APCDD1: variants seen among roughly 807,000 people sequenced by gnomAD.
APCDD1 encodes APC down-regulated 1, also known as protein APCDD1.
In APCDD1, 15 loss-of-function variants were observed where a neutral mutation model predicts 38.1. That is an observed-to-expected ratio of 0.39 (90% CI 0.26 to 0.61). The LOEUF (loss-of-function observed/expected upper bound fraction) is 0.61. Ranked by LOEUF, APCDD1 falls within the 20% of genes least tolerant of loss-of-function variation. The pLI, the probability that APCDD1 is intolerant of heterozygous loss-of-function variation, is 0.49. For missense variants in APCDD1, 647 were observed against 696.2 expected, an observed-to-expected ratio of 0.93 and a Z score of 0.79; for synonymous variants, 261 against 279.7, an observed-to-expected ratio of 0.93 and a Z score of 0.67.
At chr18:10,455,130 G>A in intron 1 of APCDD1, 91 bp downstream of exon 1, 1 of 1,527,006 alleles carries the variant, frequency 6.5e-7, no homozygotes, top group South Asian at 1.2e-5. Context: ...CTGGATCGCG[G>A]CACGGCCTAC....
chr18:10,484,190 C>T (rs750028745), intron 3 of APCDD1, among the ~76,000 whole-genome samples: 22 of 152,228 alleles, frequency 1.4e-4, no homozygotes, highest in African/African-American at 1.9e-4. Flanking sequence ...AGATGAGGAA[C>T]GCAGAAACCT....
At chr18:10,462,973 T>G (rs1380138717) in intron 1 of APCDD1, among the ~76,000 whole-genome samples, 2 of 152,094 alleles carry the variant, frequency 1.3e-5, no homozygotes, top group African/African-American at 4.8e-5. Context: ...ACCACGACAT[T>G]GCAGAAAATC....
chr18:10,473,016 G>A (rs1021656042), intron 3 of APCDD1, among the ~76,000 whole-genome samples: 2 of 152,094 alleles, frequency 1.3e-5, no homozygotes, highest in Non-Finnish European at 1.5e-5. Flanking sequence ...GTATCTCCCC[G>A]GCCGTCCCCA....
chr18:10,461,550 T>C (rs995264862), intron 1 of APCDD1, among the ~76,000 whole-genome samples: 1 of 152,214 alleles, frequency 6.6e-6, no homozygotes, highest in Non-Finnish European at 1.5e-5. Flanking sequence ...TGTACCTGTA[T>C]AGTAGCTAGC....
Position 10,467,815 on chromosome 18 carries a change from G to A in APCDD1, c.59-654G>A, listed in dbSNP as rs1029708520. Among the ~76,000 whole-genome samples, 1 of 152,178 alleles carries A rather than the reference G, an allele frequency of 6.6e-6. No individual in the cohort carries two copies. The highest frequency in any genetic ancestry group is 1.5e-5 in the Non-Finnish European group (1 of 68,026). On this transcript the variant is annotated intron_variant, in intron 1 of 4. Coordinates refer to ENST00000355285, the MANE Select transcript of APCDD1 (RefSeq NM_153000.5). The surrounding 1 kb of genome is among the most constrained non-coding windows in gnomAD (Gnocchi z 4.8). ...TTCACACCACGTGGTGAGCAGCCCT[G>A]TAGAGGGCATCCACTTGAAGACAGA...
At position 10,466,361 on chromosome 18, in the gene APCDD1, G is replaced by A. The variant is rs187205059; in HGVS notation, c.59-2108G>A. Among the ~76,000 whole-genome samples the A allele has an allele frequency of 4.0e-3, 612 of 152,306 alleles. 2 individuals are homozygous for A. The highest frequency in any genetic ancestry group is 0.013 in the African/African-American group (530 of 41,568). On this transcript the variant is annotated intron_variant, in intron 1 of 4. Coordinates refer to ENST00000355285, the MANE Select transcript of APCDD1 (RefSeq NM_153000.5). The stretch of plus-strand genomic sequence containing the variant: ...GGGTGAGGCACTTGGGGATTAAAAC[G>A]TTAGTGTAGTGATAAATACTTAATC...
chr18:10,462,955 C>T (rs868246164), intron 1 of APCDD1, among the ~76,000 whole-genome samples: 1 of 152,048 alleles, frequency 6.6e-6, no homozygotes, highest in Non-Finnish European at 1.5e-5. Flanking sequence ...AAATAAAATT[C>T]TTACCATACC....
At chr18:10,478,172 C>A (rs997280812) in intron 3 of APCDD1, among the ~76,000 whole-genome samples, 8 of 152,204 alleles carry the variant, frequency 5.3e-5, no homozygotes, top group Non-Finnish European at 1.2e-4. Context: ...GAATTAGCAG[C>A]CTGGTTTCTC....
At chr18:10,474,501 G>T (rs1225390627) in intron 3 of APCDD1, among the ~76,000 whole-genome samples, 2 of 152,238 alleles carry the variant, frequency 1.3e-5, no homozygotes, top group African/African-American at 4.8e-5. Flanking sequence ...CTGGGCGGGC[G>T]TGGGCCGGGC....
chr18:10,486,808 A>G (rs1430054118), intron 4 of APCDD1, among the ~76,000 whole-genome samples: 3 of 152,214 alleles, frequency 2.0e-5, no homozygotes, highest in Admixed American at 6.5e-5. Context: ...ATGGCGTTCC[A>G]GGGTTCAGTC....
chr18:10,471,573 A>C lies in APCDD1; in HGVS notation c.286A>C (p.Arg96=), dbSNP rs1250575575. ...CCCAGAGTTCATCACAAGGTCCTAC[A>C]GATTCTACCACAATAACACCTTCAA... is the stretch of plus-strand genomic sequence containing the variant. ...SGPEFITRSY[R]FYHNNTFKAY... The change falls in exon 3 of 5, where the codon AGA becomes CGA. Residue 96 remains arginine (R), a synonymous_variant. Coordinates refer to ENST00000355285, the MANE Select transcript of APCDD1 (RefSeq NM_153000.5). The surrounding 1 kb of genome is among the most constrained non-coding windows in gnomAD (Gnocchi z 5.5). 2.5e-6 allele frequency: 4 copies of C among 1,614,118 alleles called. No individual in the cohort carries two copies. The highest frequency in any genetic ancestry group is 2.2e-5 in the East Asian group (1 of 44,894).
rs147097496 is a variant in APCDD1 at position 10,461,968 on chromosome 18, T to C, written c.59-6501T>C. Among the ~76,000 whole-genome samples, 718 of 152,356 alleles carry C rather than the reference T, an allele frequency of 4.7e-3. 3 individuals are homozygous for C. The highest frequency in any genetic ancestry group is 0.016 in the African/African-American group (676 of 41,588). On this transcript the variant is annotated intron_variant, in intron 1 of 4. Coordinates refer to ENST00000355285, the MANE Select transcript of APCDD1 (RefSeq NM_153000.5). ...GTAGTCTACACAGTGTTGTTACGTG[T>C]TCATTCCAATACCTTTCTATCCACA...
chr18:10,474,504 G>T (rs2030944450), intron 3 of APCDD1, among the ~76,000 whole-genome samples: 1 of 152,214 alleles, frequency 6.6e-6, no homozygotes, highest in African/African-American at 2.4e-5. Flanking sequence ...GGCGGGCGTG[G>T]GCCGGGCTGT....
At chr18:10,455,972 C>G (rs549376275) in intron 1 of APCDD1, among the ~76,000 whole-genome samples, 1 of 152,356 alleles carries the variant, frequency 6.6e-6, no homozygotes, top group Non-Finnish European at 1.5e-5. Flanking sequence ...CTTCACGGCT[C>G]TCCTTCCTCA....
chr18:10,466,208 C>G (rs1359190442), intron 1 of APCDD1, among the ~76,000 whole-genome samples: 1 of 152,216 alleles, frequency 6.6e-6, no homozygotes, highest in Non-Finnish European at 1.5e-5. Flanking sequence ...TCCTTGACTG[C>G]CTAGCAGGGA....
rs377655181 is a variant in APCDD1, at chr18:10,485,557, C to A, written c.870C>A (p.Gly290=). ...ILPPKADLTI[G]LHGEWVSQRC... Reference sequence around the variant, plus strand: ...CCCCAAAGGCAGACCTGACCATCGGCCTGCACGGGGAGTGGGTGAGCCAGC... The same window carrying A: ...CCCCAAAGGCAGACCTGACCATCGGACTGCACGGGGAGTGGGTGAGCCAGC... The change falls in exon 4 of 5, where the codon GGC becomes GGA. Residue 290 remains glycine, a synonymous_variant. Coordinates refer to ENST00000355285, the MANE Select transcript of APCDD1 (RefSeq NM_153000.5). This position sits in a 1 kb window ranked among gnomAD's most constrained non-coding sequence, Gnocchi z 5.8. The A allele has an allele frequency of 1.2e-5, 20 of 1,614,046 alleles. No homozygotes were observed. The highest frequency in any genetic ancestry group is 1.6e-4 in the Middle Eastern group (1 of 6,084).
chr18:10,478,300 C>T (rs1400868931), intron 3 of APCDD1, among the ~76,000 whole-genome samples: 1 of 152,250 alleles, frequency 6.6e-6, no homozygotes, highest in Non-Finnish European at 1.5e-5. Flanking sequence ...GAGGTGCCTG[C>T]ATCCTGGCAG....
Position 10,485,898 on chromosome 18 carries a change from A to T in APCDD1, c.1096+115A>T. On this transcript the variant is annotated intron_variant, in intron 4 of 4. Transcript: ENST00000355285. This position sits in a 1 kb window ranked among gnomAD's most constrained non-coding sequence, Gnocchi z 5.8. Reference sequence around the variant, plus strand: ...TTTCTGCCTGAGTTCCCAGGAAAGAAATTGGGGAGTCATTTCTGCCTCAGT... The same window carrying T: ...TTTCTGCCTGAGTTCCCAGGAAAGATATTGGGGAGTCATTTCTGCCTCAGT... The T allele has an allele frequency of 1.7e-6, 2 of 1,182,022 alleles. No individual in the cohort carries two copies. The highest frequency in any genetic ancestry group is 1.2e-6 in the Non-Finnish European group (1 of 824,344). 73.2% of individuals were successfully genotyped at this position (1,182,022 alleles called of 1,614,324 possible). A position where few individuals can be genotyped will look rare whatever the true frequency, so the allele number is the denominator to read the frequency against.
At position 10,454,795 on chromosome 18, in the gene APCDD1, G is replaced by A. The variant is rs2030323254; in HGVS notation, c.-187G>A. 3.1e-6 allele frequency: 3 copies of A among 981,224 alleles called. No individual in the cohort carries two copies. Among genetic ancestry groups the A allele is most frequent in the African/African-American group, 1.8e-5 (1 of 56,666 alleles). The allele number at this position is 981,224 out of a possible 1,614,324, so 60.8% of individuals were successfully genotyped here. ...CCGGGGCGCCCACAGCCGCCCGACG[G>A]CGCCCAGAGAGCGCGCGCCCCGCAG... is the stretch of plus-strand genomic sequence containing the variant. On this transcript the variant is annotated 5_prime_UTR_variant, in exon 1 of 5. Coordinates refer to ENST00000355285, the MANE Select transcript of APCDD1 (RefSeq NM_153000.5).
Sources: allele counts gnomAD v4.1 joint callset (sites outside exome capture counted in the v4.1 genomes callset), GRCh38; gene constraint gnomAD v4.1.1; non-coding constraint Gnocchi (gnomAD v3.1); transcripts MANE v1.5; gene names NCBI Gene and HGNC (gene_info 2026-07-23, HGNC 2026-07-21).